ZFPM2: variants seen among roughly 807,000 people sequenced by gnomAD.
ZFPM2 encodes zinc finger protein ZFPM2.
A neutral mutation model predicts 98.6 loss-of-function variants in ZFPM2; 20 were observed. The observed-to-expected ratio is 0.20, with a 90% CI of 0.14 to 0.29. ZFPM2 has a LOEUF of 0.29. Ranked by LOEUF, ZFPM2 falls within the 10% of genes least tolerant of loss-of-function variation. The pLI, the probability that ZFPM2 is intolerant of heterozygous loss-of-function variation, is 1.00. For missense variants in ZFPM2, 1,310 were observed against 1,388.6 expected (o/e 0.94, Z 0.90); for synonymous variants, 518 against 502.7 (o/e 1.03, Z -0.41).
intron 3 of ZFPM2, among the ~76,000 whole-genome samples, chr8:105,523,316 T>G (rs183042825): frequency 2.5e-4 from 38 of 152,352 alleles, no homozygotes; most frequent in African/African-American, 8.9e-4. Flanking sequence ...GAATGTAAGC[T>G]TGATATCACT....
chr8:105,503,983 A>G (rs1813647485), intron 3 of ZFPM2, among the ~76,000 whole-genome samples: 1 of 152,172 alleles, frequency 6.6e-6, no homozygotes, highest in Non-Finnish European at 1.5e-5. Context: ...TTTCATGAAT[A>G]ACATTCCCCT....
intron 1 of ZFPM2, among the ~76,000 whole-genome samples, chr8:105,380,748 G>GACATATATATTATATATATATA (rs1810853172): frequency 5.2e-5 from 1 of 19,402 alleles, no homozygotes; most frequent in Non-Finnish European, 8.5e-5. Flanking sequence ...ATATATATAT[G>GACATATATATTATATATATATA]TTATATATAA....
chr8:105,498,737 G>T (rs1231014578), intron 3 of ZFPM2, among the ~76,000 whole-genome samples: 1 of 152,222 alleles, frequency 6.6e-6, no homozygotes, highest in East Asian at 1.9e-4. Context: ...CCTATAAGCA[G>T]TTCATTCCTG....
At chr8:105,475,212 A>G (rs1323220466) in intron 3 of ZFPM2, among the ~76,000 whole-genome samples, 1 of 152,212 alleles carries the variant, frequency 6.6e-6, no homozygotes, top group African/African-American at 2.4e-5. Context: ...GAGCGTAATC[A>G]TTTTAATTCT....
intron 3 of ZFPM2, among the ~76,000 whole-genome samples, chr8:105,540,652 TAAAAC>T (rs1365577372): frequency 2.0e-5 from 3 of 152,128 alleles, no homozygotes; most frequent in South Asian, 4.1e-4. Flanking sequence ...TCAGTCCACT[TAAAAC>T]AAACTATGTT....
At chr8:105,493,158 A>G (rs899492549) in intron 3 of ZFPM2, among the ~76,000 whole-genome samples, 1 of 152,202 alleles carries the variant, frequency 6.6e-6, no homozygotes, top group Non-Finnish European at 1.5e-5. Context: ...ATTGCAAATT[A>G]AAAGTTTGTT....
At chr8:105,384,045 A>T (rs543120750) in intron 1 of ZFPM2, among the ~76,000 whole-genome samples, 4 of 152,256 alleles carry the variant, frequency 2.6e-5, no homozygotes, top group Admixed American at 2.6e-4. Flanking sequence ...ATATGCTATA[A>T]TTAATTTTAT....
intron 3 of ZFPM2, among the ~76,000 whole-genome samples, chr8:105,485,874 G>A (rs1224520571): frequency 6.6e-6 from 1 of 152,122 alleles, no homozygotes; most frequent in Non-Finnish European, 1.5e-5. Context: ...TAGAAGAAGC[G>A]ATTTAAGCTT....
intron 4 of ZFPM2, among the ~76,000 whole-genome samples, chr8:105,584,151 T>C (rs1465447408): frequency 1.3e-5 from 2 of 152,174 alleles, no homozygotes; most frequent in Non-Finnish European, 2.9e-5. Flanking sequence ...ATTCTAAATA[T>C]TGAGACATTC....
intron 4 of ZFPM2, among the ~76,000 whole-genome samples, chr8:105,594,519 A>G (rs1340347733): frequency 6.6e-6 from 1 of 152,118 alleles, no homozygotes; most frequent in Non-Finnish European, 1.5e-5. Flanking sequence ...AAATATTAAT[A>G]GTAAATATTT....
chr8:105,385,742 T>G lies in ZFPM2; in HGVS notation c.41-33402T>G, dbSNP rs1164944928. Among the ~76,000 whole-genome samples the G allele has an allele frequency of 2.0e-5, 3 of 152,208 alleles. No individual in the cohort carries two copies. In the East Asian group the frequency reaches 5.8e-4, roughly 29 times the overall value. On this transcript the variant is annotated intron_variant, in intron 1 of 7. Coordinates refer to ENST00000407775, the MANE Select transcript of ZFPM2 (RefSeq NM_012082.4). ...GATTACTTTATAGCAGTAATGTCAT[T>G]CCTTCATTGGCACATTTTATCCATA...
At chr8:105,607,134 T>G (rs2130793153) in intron 4 of ZFPM2, among the ~76,000 whole-genome samples, 1 of 152,232 alleles carries the variant, frequency 6.6e-6, no homozygotes, top group East Asian at 1.9e-4. Context: ...CTTCGGCCAT[T>G]CCTTAGAATG....
chr8:105,679,527 T>C (rs1810551784), intron 5 of ZFPM2, among the ~76,000 whole-genome samples: 1 of 152,078 alleles, frequency 6.6e-6, no homozygotes, highest in African/African-American at 2.4e-5. Context: ...CTTGGGTAAA[T>C]CATGGAAACG....
rs185869763 is a variant in ZFPM2, at chr8:105,418,158, G to A, written c.41-986G>A. ...CCTAGGACATTTCTAAAAAGTGAGAGTGAGAGGCTGCCTGAGCTTTGAGTA... is the reference window on the plus strand; with the variant it reads ...CCTAGGACATTTCTAAAAAGTGAGAATGAGAGGCTGCCTGAGCTTTGAGTA... On this transcript the variant is annotated intron_variant, in intron 1 of 7. Coordinates refer to ENST00000407775, the MANE Select transcript of ZFPM2 (RefSeq NM_012082.4). 6.0e-3 allele frequency among the ~76,000 whole-genome samples: 918 copies of A among 152,270 alleles called. 9 individuals carry two copies. Among genetic ancestry groups the A allele is most frequent in the African/African-American group, 0.021 (883 of 41,568 alleles).
chr8:105,388,675 A>G (rs1243800887), intron 1 of ZFPM2, among the ~76,000 whole-genome samples: 2 of 152,160 alleles, frequency 1.3e-5, no homozygotes, highest in Non-Finnish European at 2.9e-5. Flanking sequence ...TATGTCTTGA[A>G]AGGGAGTGAG....
At chr8:105,330,565 T>C (rs1465556580) in intron 1 of ZFPM2, among the ~76,000 whole-genome samples, 28 of 71,364 alleles carry the variant, frequency 3.9e-4, no homozygotes, top group African/African-American at 7.9e-4. Flanking sequence ...TATATATATA[T>C]ATACATATAT....
intron 5 of ZFPM2, among the ~76,000 whole-genome samples, chr8:105,710,777 A>G (rs765213129): frequency 6.6e-6 from 1 of 151,746 alleles, no homozygotes; most frequent in African/African-American, 2.4e-5. Flanking sequence ...TAGATTGTCC[A>G]TATACTAGAG....
intron 5 of ZFPM2, among the ~76,000 whole-genome samples, chr8:105,767,767 T>C (rs1563555245): frequency 6.6e-6 from 1 of 151,934 alleles, no homozygotes; most frequent in Non-Finnish European, 1.5e-5. Context: ...CAAATGCTTT[T>C]TGATATCTTA....
intron 5 of ZFPM2, among the ~76,000 whole-genome samples, chr8:105,764,461 C>T (rs1207921294): frequency 6.6e-6 from 1 of 151,154 alleles, no homozygotes. Context: ...TTCTATTATC[C>T]TTATTATGAC....
Sources: gnomAD v4.1 joint callset for allele counts (sites outside exome capture counted in the v4.1 genomes callset) on GRCh38, gnomAD v4.1.1 for gene constraint, MANE v1.5 for transcripts, NCBI Gene and HGNC (gene_info 2026-07-23, HGNC 2026-07-21) for gene names.